The following COL4A5 variants were observed in gnomAD, a reference collection of about 807,000 sequenced individuals.
COL4A5 encodes collagen alpha-5(IV) chain.
COL4A5 carries 26 observed loss-of-function variants against 130.2 expected under a neutral mutation model. The ratio of observed to expected loss-of-function variants is 0.20; its 90% CI spans 0.15 to 0.28. The LOEUF is 0.28. Ranked by LOEUF, COL4A5 falls within the 10% of genes least tolerant of loss-of-function variation. The pLI, the probability that COL4A5 is intolerant of heterozygous loss-of-function variation, is 1.00. For missense variants in COL4A5, 1,131 were observed against 1,344.3 expected, an observed-to-expected ratio of 0.84 and a Z score of 2.48; for synonymous variants, 496 against 439.6, an observed-to-expected ratio of 1.13 and a Z score of -1.60.
intron 36 of COL4A5, among the ~76,000 whole-genome samples, chrX:108,647,433 T>A (rs1342123345): frequency 8.9e-6 from 1 of 111,879 alleles, no homozygotes; most frequent in African/African-American, 3.2e-5. Context: ...ATCGATTTTG[T>A]ATCCTGAGAC....
chrX:108,449,449 G>A (rs917759650), intron 1 of COL4A5, among the ~76,000 whole-genome samples: 2 of 112,081 alleles, frequency 1.8e-5, no homozygotes, highest in South Asian at 7.5e-4. Context: ...AGGGACATTA[G>A]TGATCTTTTA....
intron 48 of COL4A5, among the ~76,000 whole-genome samples, 183 bp from the exon 49 acceptor site, chrX:108,687,297 CAG>C (rs2068564256): frequency 8.9e-6 from 1 of 112,064 alleles, no homozygotes; most frequent in Non-Finnish European, 1.9e-5. Flanking sequence ...AAATAACATA[CAG>C]ACTCTCCAAA....
intron 36 of COL4A5, among the ~76,000 whole-genome samples, chrX:108,634,065 T>G (rs1194331439): frequency 9.0e-6 from 1 of 111,485 alleles, no homozygotes; most frequent in Non-Finnish European, 1.9e-5. Context: ...CTGTCACTAA[T>G]TAGTAACCAT....
At chrX:108,599,246 G>C (rs55654908) in intron 25 of COL4A5, among the ~76,000 whole-genome samples, 11,605 of 110,966 alleles carry the variant, frequency 0.1, 1,300 homozygotes, top group African/African-American at 0.34. Flanking sequence ...CCTTCCTCCT[G>C]TCTGCTGTCT....
At position 108,697,078 on chromosome X, in the gene COL4A5, T is replaced by C. The variant is rs1331589407; in HGVS notation, c.*700T>C. ...TTGATTTTTTTTAAAAAACAAACCC[T>C]TTTAGTCACTTTAATCAGAATTTTA... On this transcript the variant is annotated 3_prime_UTR_variant, in exon 53 of 53. Transcript: ENST00000328300. The C allele has an allele frequency of 8.9e-6, 1 of 111,743 alleles. No individual in the cohort carries two copies. Among genetic ancestry groups the C allele is most frequent in the Non-Finnish European group, 1.9e-5 (1 of 53,090 alleles). 9.2% of individuals were successfully genotyped at this position (111,743 alleles called of 1,213,427 possible).
At chrX:108,651,227 A>G (rs1394596950) in intron 36 of COL4A5, among the ~76,000 whole-genome samples, 1 of 111,511 alleles carries the variant, frequency 9.0e-6, no homozygotes, top group African/African-American at 3.3e-5. Flanking sequence ...TTTAGGGGGA[A>G]ATGGAAAATT....
At chrX:108,453,015 A>C (rs1400484399) in intron 1 of COL4A5, among the ~76,000 whole-genome samples, 2 of 110,903 alleles carry the variant, frequency 1.8e-5, no homozygotes, top group Admixed American at 1.9e-4. Context: ...TACCTAATTT[A>C]TTGAGAGTTT....
chrX:108,540,595 C>T (rs757346543), intron 2 of COL4A5, among the ~76,000 whole-genome samples: 1 of 110,983 alleles, frequency 9.0e-6, no homozygotes, highest in Admixed American at 9.6e-5. Flanking sequence ...GGATTGTAGG[C>T]ATGCACCACC....
intron 19 of COL4A5, 30 bp downstream of exon 19, chrX:108,586,777 C>T (rs1169564251): frequency 8.4e-7 from 1 of 1,191,212 alleles, no homozygotes; most frequent in Admixed American, 2.2e-5. Context: ...TGGCCTTGTT[C>T]TTATAGCATC....
Position 108,442,262 on chromosome X carries a change from G to T in COL4A5, c.81+2056G>T, listed in dbSNP as rs145767557. On this transcript the variant is annotated intron_variant, in intron 1 of 52. Coordinates refer to ENST00000328300, the MANE Select transcript of COL4A5 (RefSeq NM_033380.3). The stretch of plus-strand genomic sequence containing the variant: ...GGGGTTTTTATATCAAAAAAGTGTT[G>T]CTATTTAAAGTGCTTTACTCTTTTA... 5.6e-3 allele frequency among the ~76,000 whole-genome samples: 626 copies of T among 111,317 alleles called. 5 individuals carry two copies. Among genetic ancestry groups the T allele is most frequent in the African/African-American group, 0.019 (572 of 30,675 alleles).
chrX:108,647,718 T>C (rs1248787966), intron 36 of COL4A5, among the ~76,000 whole-genome samples: 1 of 111,744 alleles, frequency 8.9e-6, no homozygotes, highest in African/African-American at 3.3e-5. Flanking sequence ...GGCTGTGAGT[T>C]TGTCATAGAT....
intron 1 of COL4A5, among the ~76,000 whole-genome samples, chrX:108,534,120 CTG>C (rs1216629868): frequency 4.8e-5 from 5 of 105,208 alleles, no homozygotes; most frequent in African/African-American, 1.7e-4. Flanking sequence ...CACCAGAAAA[CTG>C]TATGGATATT....
At chrX:108,630,091 T>C (rs974355193) in intron 36 of COL4A5, among the ~76,000 whole-genome samples, 3 of 112,074 alleles carry the variant, frequency 2.7e-5, no homozygotes, top group Non-Finnish European at 5.6e-5. Flanking sequence ...AAGTCTTTGC[T>C]ACTGTGAATA....
At chrX:108,448,048 C>T (rs999400611) in intron 1 of COL4A5, among the ~76,000 whole-genome samples, 3 of 111,814 alleles carry the variant, frequency 2.7e-5, no homozygotes, top group Non-Finnish European at 5.6e-5. Flanking sequence ...CAGGTCCACC[C>T]ACACTTTGTG....
intron 2 of COL4A5, among the ~76,000 whole-genome samples, chrX:108,550,200 A>G (rs748984098): frequency 1.8e-4 from 20 of 111,648 alleles, no homozygotes; most frequent in Non-Finnish European, 3.6e-4. Context: ...CCCTGATACC[A>G]AAACCAAGCA....
intron 1 of COL4A5, among the ~76,000 whole-genome samples, chrX:108,528,809 A>G (rs2065351741): frequency 8.9e-6 from 1 of 112,559 alleles, no homozygotes; most frequent in Non-Finnish European, 1.9e-5. Flanking sequence ...GCTTTGTGTC[A>G]TTTGGGACAA....
chrX:108,671,177 G>A (rs902879048), intron 42 of COL4A5, among the ~76,000 whole-genome samples: 13 of 111,533 alleles, frequency 1.2e-4, no homozygotes, highest in African/African-American at 3.9e-4. Flanking sequence ...AGTGAAAGAT[G>A]TTTGTTTACC....
At chrX:108,479,165 T>C (rs754033548) in intron 1 of COL4A5, among the ~76,000 whole-genome samples, 2 of 112,521 alleles carry the variant, frequency 1.8e-5, no homozygotes, top group Non-Finnish European at 3.8e-5. Flanking sequence ...TCCTCCTCTG[T>C]TGAGGTCACC....
rs773448490 is a variant in COL4A5, at chrX:108,687,635, A to G, written c.4469A>G (p.Tyr1490Cys). ...PQCPQGTLQVYEGFSLLYVQG... is the reference protein window; with the variant it reads ...PQCPQGTLQVCEGFSLLYVQG... ...TGCCCACAGGGAACACTTCAGGTCT[A>G]TGAAGGCTTTTCTCTCCTGTATGTA... Residue 1490 changes from tyrosine (Y) to cysteine (C), a missense_variant, in exon 49 of 53, where the codon TAT becomes TGT. By Grantham distance (194) the Tyr-to-Cys change is radical. Transcript: ENST00000328300. 3.3e-6 allele frequency: 4 copies of G among 1,211,529 alleles called. No individual in the cohort carries two copies. The Admixed American group carries it at 6.5e-5, about 20-fold the overall frequency.
Sources: allele counts gnomAD v4.1 joint callset (sites outside exome capture counted in the v4.1 genomes callset), GRCh38; gene constraint gnomAD v4.1.1; transcripts MANE v1.5; gene names NCBI Gene and HGNC (gene_info 2026-07-23, HGNC 2026-07-21).